The following LTA4H variants were observed in gnomAD, a reference collection of about 807,000 sequenced individuals.
LTA4H encodes leukotriene A-4 hydrolase.
In LTA4H, 59 loss-of-function variants were observed where a neutral mutation model predicts 89.8. That is an observed-to-expected ratio of 0.66 (90% CI 0.53 to 0.82). The LOEUF (loss-of-function observed/expected upper bound fraction) is 0.82. Among genes scored for constraint, LTA4H ranks in the 40% least tolerant of loss-of-function variants. LTA4H has a pLI of 0.00. For missense variants in LTA4H, 617 were observed against 727.0 expected (o/e 0.85, Z 1.74); for synonymous variants, 227 against 253.1 (o/e 0.90, Z 0.98).
At chr12:96,012,912 G>A (rs936057886) in intron 14 of LTA4H, 2 of 342,944 alleles carry the variant, frequency 5.8e-6, no homozygotes, top group African/African-American at 4.1e-5. Flanking sequence ...TATTTTTATT[G>A]CAGAAGTTTG....
chr12:96,028,983 A>T, intron 2 of LTA4H, 72 bp downstream of exon 2: 1 of 1,294,422 alleles, frequency 7.7e-7, no homozygotes, highest in Non-Finnish European at 1.0e-6. Context: ...AAAAAGAAAA[A>T]ATATTTAAAT....
intron 15 of LTA4H, among the ~76,000 whole-genome samples, chr12:96,007,732 C>T (rs1422901522): frequency 6.6e-6 from 1 of 152,142 alleles, no homozygotes; most frequent in African/African-American, 2.4e-5. Flanking sequence ...AATATTTGAG[C>T]AGAAATTAGT....
At chr12:96,026,167 A>G (rs1028320681) in intron 3 of LTA4H, among the ~76,000 whole-genome samples, 1 of 152,184 alleles carries the variant, frequency 6.6e-6, no homozygotes, top group African/African-American at 2.4e-5. Context: ...TTCCAAGACC[A>G]TGCCTCTATA....
chr12:96,035,288 G>A lies in LTA4H; in HGVS notation c.159+73C>T, dbSNP rs183671225. The A allele has an allele frequency of 5.0e-3, 7,342 of 1,462,188 alleles. 675 individuals carry two copies. In the Admixed American group the frequency reaches 0.15, roughly 30 times the overall value. 90.6% of individuals were successfully genotyped at this position (1,462,188 alleles called of 1,614,324 possible). ...GCGGCGGGGTGAGCCGGAGATCCGG[G>A]AGCCCGCAAGGACTAGGGTCGAGGG... On this transcript the variant is annotated intron_variant, in intron 1 of 18. Coordinates refer to ENST00000228740, the MANE Select transcript of LTA4H (RefSeq NM_000895.3).
chr12:96,027,580 A>G lies in LTA4H; in HGVS notation c.291-16T>C. The G allele has an allele frequency of 6.7e-7, 1 of 1,498,628 alleles. No individual in the cohort carries two copies. Among genetic ancestry groups the G allele is most frequent in the Non-Finnish European group, 9.2e-7 (1 of 1,082,992 alleles). 92.8% of individuals were successfully genotyped at this position (1,498,628 alleles called of 1,614,324 possible). A position where few individuals can be genotyped will look rare whatever the true frequency, so the allele number is the denominator to read the frequency against. ...TTCTTGATTTCTGTATGAAACACAT[A>G]AATATATTAGTAGAGTATGATTCCA... On this transcript the variant is annotated splice_polypyrimidine_tract_variant and intron_variant, in intron 2 of 18. Coordinates refer to ENST00000228740, the MANE Select transcript of LTA4H (RefSeq NM_000895.3).
At chr12:96,039,304 T>C (rs1233433064), upstream of LTA4H, among the ~76,000 whole-genome samples, 2 of 152,176 alleles carry the variant, frequency 1.3e-5, no homozygotes, top group Admixed American at 1.3e-4. Context: ...AAAGATGATC[T>C]ATATAAAATA....
At chr12:96,016,483 C>T (rs1004085315) in intron 10 of LTA4H, among the ~76,000 whole-genome samples, 20 of 151,008 alleles carry the variant, frequency 1.3e-4, no homozygotes, top group African/African-American at 3.7e-4. Context: ...TAGTGGCATG[C>T]GCCTTTAGTC....
At chr12:96,003,797 T>A (rs756874929) in intron 17 of LTA4H, 41 bp downstream of exon 17, 27 of 1,424,842 alleles carry the variant, frequency 1.9e-5, no homozygotes, top group Non-Finnish European at 9.8e-7. Flanking sequence ...AGGAGTTTAG[T>A]TTTCTGCTTT....
Position 96,014,866 on chromosome 12 carries a change from A to T in LTA4H, c.1193T>A (p.Leu398His), listed in dbSNP as rs1433170503. The T allele has an allele frequency of 1.2e-6, 2 of 1,610,062 alleles. No homozygotes were observed. Among genetic ancestry groups the T allele is most frequent in the East Asian group, 4.5e-5 (2 of 44,836 alleles). The change falls in exon 12 of 19, where the codon CTT (leucine) becomes CAT (histidine). Residue 398 changes from leucine (L) to histidine (H), a missense_variant. By Grantham distance (99) the Leu-to-His change is moderately conservative (BLOSUM62 -3). Around this residue, in one of 3 missense-constraint regions of LTA4H, gnomAD observed 290 missense variants for 339.1 expected, o/e 0.86. Coordinates refer to ENST00000228740, the MANE Select transcript of LTA4H (RefSeq NM_000895.3). Reference protein sequence around the residue: ...FALLFYLEQLLGGPEIFLGFL... With the variant: ...FALLFYLEQLHGGPEIFLGFL... ...TACCAACTACTTACCTGGTCCTCCA[A>T]GCAGTTGTTCAAGGTAAAAAAGTAA...
chr12:96,021,944 C>T (rs1353080460), intron 5 of LTA4H, among the ~76,000 whole-genome samples: 1 of 152,106 alleles, frequency 6.6e-6, no homozygotes, highest in Non-Finnish European at 1.5e-5. Context: ...GTCTCTACAG[C>T]AAACCCTCTC....
intron 1 of LTA4H, among the ~76,000 whole-genome samples, chr12:96,033,492 C>T (rs554783437): frequency 6.6e-6 from 1 of 152,170 alleles, no homozygotes; most frequent in African/African-American, 2.4e-5. Flanking sequence ...ATTTTTAAAT[C>T]TCTAGTACTT....
Position 96,031,519 on chromosome 12 carries a change from C to T in LTA4H, c.160-2334G>A, listed in dbSNP as rs184211639. Among the ~76,000 whole-genome samples the T allele has an allele frequency of 3.1e-3, 474 of 152,212 alleles. 2 individuals carry two copies. The highest frequency in any genetic ancestry group is 0.019 in the South Asian group (93 of 4,822). On this transcript the variant is annotated intron_variant, in intron 1 of 18. Transcript: ENST00000228740. Reference sequence around the variant, plus strand: ...GTTGGATTTAGTACTTTTTAAGAAACGTGTTAAGCATCAACAGCTCTACTA... The same window carrying T: ...GTTGGATTTAGTACTTTTTAAGAAATGTGTTAAGCATCAACAGCTCTACTA...
At chr12:96,017,619 G>T in intron 8 of LTA4H, 39 bp from the exon 9 acceptor site, 2 of 1,500,114 alleles carry the variant, frequency 1.3e-6, no homozygotes, top group Non-Finnish European at 1.9e-6. Flanking sequence ...TTTAGTAATC[G>T]AATTACAGAC....
chr12:96,018,806 C>T lies in LTA4H; in HGVS notation c.809G>A (p.Gly270Asp). The stretch of plus-strand genomic sequence containing the variant: ...AAAAGTAAGGCAAGGATTCTCCATG[C>T]CACCATAAGGGAAGGATGGTGGCAG... ...LVLPPSFPYG[G>D]MENPCLTFVT... The change falls in exon 8 of 19, where the codon GGC (glycine) becomes GAC (aspartate). Residue 270 changes from glycine (G) to aspartate (D), a missense_variant. Coordinates refer to ENST00000228740, the MANE Select transcript of LTA4H (RefSeq NM_000895.3). 6.2e-7 allele frequency: 1 copy of T among 1,601,562 alleles called. No individual in the cohort carries two copies.
chr12:96,037,691 GCT>G (rs1491148473), upstream of LTA4H, among the ~76,000 whole-genome samples: 2 of 136,634 alleles, frequency 1.5e-5, no homozygotes, highest in African/African-American at 5.5e-5. Flanking sequence ...CATTGAGAAA[GCT>G]TTTTTTTTTT....
At chr12:96,003,700 T>G (rs915866861) in intron 17 of LTA4H, 138 bp downstream of exon 17, 7 of 485,860 alleles carry the variant, frequency 1.4e-5, no homozygotes, top group Non-Finnish European at 2.2e-5. Flanking sequence ...CCACTATAAG[T>G]ATTTATATAG....
chr12:96,015,379 A>G (rs1030605410), intron 11 of LTA4H, among the ~76,000 whole-genome samples: 1 of 152,230 alleles, frequency 6.6e-6, no homozygotes, highest in Non-Finnish European at 1.5e-5. Flanking sequence ...ACAGCTCCCT[A>G]TTTAGACCAG....
intron 3 of LTA4H, among the ~76,000 whole-genome samples, chr12:96,026,811 G>GT (rs1443378653): frequency 6.6e-6 from 1 of 152,152 alleles, no homozygotes; most frequent in Non-Finnish European, 1.5e-5. Context: ...TGAAAAGTAG[G>GT]TATTTTTTCT....
At position 96,019,174 on chromosome 12, in the gene LTA4H, A is replaced by G. The variant is rs1950421575; in HGVS notation, c.705T>C (p.Phe235=). Residue 235 remains phenylalanine, a synonymous_variant, in exon 7 of 19, where the codon TTT becomes TTC. Coordinates refer to ENST00000228740, the MANE Select transcript of LTA4H (RefSeq NM_000895.3). ...GGATAACTAAATGACCAACCTCAGA[A>G]AACTCATAAGCAGACTTTTCCACCT... ...KEQVEKSAYE[F]SETESMLKIA... is the part of the protein sequence containing the mutation. 1 of 1,611,040 alleles carries G rather than the reference A, an allele frequency of 6.2e-7. No individual in the cohort carries two copies. Among genetic ancestry groups the G allele is most frequent in the African/African-American group, 1.3e-5 (1 of 74,682 alleles).
Sources: gnomAD v4.1 joint callset for allele counts (sites outside exome capture counted in the v4.1 genomes callset) on GRCh38, gnomAD v4.1.1 for gene constraint, gnomAD v4.1.1 regional missense constraint, MANE v1.5 for transcripts, NCBI Gene and HGNC (gene_info 2026-07-23, HGNC 2026-07-21) for gene names.